Variants in CNTN6 observed in about 807,000 individuals in gnomAD.
CNTN6 encodes contactin-6.
In CNTN6, 137 loss-of-function variants were observed where a neutral mutation model predicts 122.8. The ratio of observed to expected loss-of-function variants is 1.12; its 90% CI spans 0.97 to 1.29. CNTN6 has a LOEUF of 1.29. Ranked by LOEUF, CNTN6 falls within the 50% of genes most tolerant of loss-of-function variation. The pLI, the probability that CNTN6 is intolerant of heterozygous loss-of-function variation, is 0.00. For missense variants in CNTN6, 1,634 were observed against 1,223.4 expected, an observed-to-expected ratio of 1.34 and a Z score of -5.01; for synonymous variants, 570 against 426.0, an observed-to-expected ratio of 1.34 and a Z score of -4.16.
At chr3:1,388,128 G>C (rs1326951669) in intron 20 of CNTN6, among the ~76,000 whole-genome samples, 3 of 152,104 alleles carry the variant, frequency 2.0e-5, no homozygotes, top group African/African-American at 7.2e-5. Context: ...CAAACAAAAA[G>C]ACAGCAGTAA....
intron 1 of CNTN6, among the ~76,000 whole-genome samples, chr3:1,143,031 TCATCAAC>T (rs1349625606): frequency 1.6e-5 from 2 of 121,518 alleles, no homozygotes; most frequent in African/African-American, 6.2e-5. Flanking sequence ...AATACACTTA[TCATCAAC>T]CAACATCTCT....
At chr3:1,185,337 A>C (rs528830229) in intron 2 of CNTN6, among the ~76,000 whole-genome samples, 5 of 152,294 alleles carry the variant, frequency 3.3e-5, no homozygotes, top group Non-Finnish European at 5.9e-5. Context: ...GTTTATTTAA[A>C]AAAGATGTTT....
At chr3:1,308,414 C>T (rs531806940) in intron 7 of CNTN6, among the ~76,000 whole-genome samples, 4 of 151,814 alleles carry the variant, frequency 2.6e-5, no homozygotes, top group African/African-American at 9.7e-5. Flanking sequence ...GCAGTCATGT[C>T]TCCAAGGATA....
At position 1,169,412 on chromosome 3, in the gene CNTN6, C is replaced by T. The variant is rs145069263; in HGVS notation, c.55+21349C>T. On this transcript the variant is annotated intron_variant, in intron 2 of 22. Transcript: ENST00000446702. ...CTTTTCTGATTCTGTCCACATTCCA[C>T]TTTAATCCTCAATGCTTGTGAGATG... 2.1e-3 allele frequency among the ~76,000 whole-genome samples: 323 copies of T among 152,318 alleles called. 1 individual carries two copies. Among genetic ancestry groups the T allele is most frequent in the African/African-American group, 7.2e-3 (301 of 41,576 alleles).
intron 4 of CNTN6, among the ~76,000 whole-genome samples, chr3:1,277,643 G>C (rs1358387824): frequency 6.6e-6 from 1 of 152,064 alleles, no homozygotes; most frequent in African/African-American, 2.4e-5. Context: ...TTACAGGAGT[G>C]AGCCACCACA....
rs558812712 is a variant in CNTN6 at position 1,383,240 on chromosome 3, A to C, written c.2402-53A>C. 8.8e-6 allele frequency: 14 copies of C among 1,596,486 alleles called. No homozygotes were observed. In the African/African-American group the frequency reaches 1.6e-4, roughly 18 times the overall value. Reference sequence around the variant, plus strand: ...TGCATAGTTTGTGTTCCCTTGTTCCATTTTCAATGAACCACTCTGCTAAAG... The same window carrying C: ...TGCATAGTTTGTGTTCCCTTGTTCCCTTTTCAATGAACCACTCTGCTAAAG... On this transcript the variant is annotated intron_variant, in intron 18 of 22. Coordinates refer to ENST00000446702, the MANE Select transcript of CNTN6 (RefSeq NM_001289080.2).
intron 17 of CNTN6, among the ~76,000 whole-genome samples, chr3:1,377,521 T>A (rs748841618): frequency 1.2e-4 from 19 of 152,268 alleles, no homozygotes; most frequent in Admixed American, 1.3e-4. Context: ...ATGGAGTAGA[T>A]TTTGTGGTCA....
At chr3:1,330,490 CAAAA>C (rs978314976) in intron 11 of CNTN6, among the ~76,000 whole-genome samples, 1 of 149,896 alleles carries the variant, frequency 6.7e-6, no homozygotes, top group Admixed American at 6.7e-5. Flanking sequence ...AACAAACAAA[CAAAA>C]AAAAAGACGG....
intron 1 of CNTN6, among the ~76,000 whole-genome samples, chr3:1,111,574 C>G (rs151090181): frequency 9.8e-4 from 149 of 152,188 alleles, no homozygotes; most frequent in African/African-American, 3.4e-3. Flanking sequence ...CACCAAGCAC[C>G]CTAGGATGCA....
At chr3:1,198,849 T>G (rs2093817908) in intron 2 of CNTN6, among the ~76,000 whole-genome samples, 1 of 151,880 alleles carries the variant, frequency 6.6e-6, no homozygotes, top group Non-Finnish European at 1.5e-5. Context: ...AGAAACAGAG[T>G]CTTCGCATAT....
Position 1,338,283 on chromosome 3 carries a change from T to A in CNTN6, c.1364+8348T>A, listed in dbSNP as rs947720874. Among the ~76,000 whole-genome samples the A allele has an allele frequency of 2.0e-5, 3 of 152,276 alleles. 1 individual carries two copies. The highest frequency in any genetic ancestry group is 6.8e-3 in the Middle Eastern group (2 of 294). On this transcript the variant is annotated intron_variant, in intron 11 of 22. Coordinates refer to ENST00000446702, the MANE Select transcript of CNTN6 (RefSeq NM_001289080.2). Reference sequence around the variant, plus strand: ...GGCTGTGAATTCATGGGCTGCGATATCAGTCAGTTTCAAATTTGATCATGC... The same window carrying A: ...GGCTGTGAATTCATGGGCTGCGATAACAGTCAGTTTCAAATTTGATCATGC...
chr3:1,142,966 G>GTATATATATATATATA (rs1408347529), intron 1 of CNTN6, among the ~76,000 whole-genome samples: 9 of 96,612 alleles, frequency 9.3e-5, no homozygotes, highest in African/African-American at 3.0e-4. Context: ...GTGTGTGTGT[G>GTATATATATATATATA]TGTATATATA....
At chr3:1,214,964 C>G (rs1427562047) in intron 2 of CNTN6, among the ~76,000 whole-genome samples, 1 of 152,090 alleles carries the variant, frequency 6.6e-6, no homozygotes, top group African/African-American at 2.4e-5. Flanking sequence ...CCCTATAGTA[C>G]CCAGGCTCGG....
Position 1,321,603 on chromosome 3 carries a change from C to G in CNTN6, c.762-47C>G, listed in dbSNP as rs1700851815. On this transcript the variant is annotated intron_variant, in intron 7 of 22. Transcript: ENST00000446702. ...GGATGCTCTTCTTTTATTTTGCTGT[C>G]ATAAAGATTAAACCGTCTTCTATTC... 2.2e-5 allele frequency: 33 copies of G among 1,478,176 alleles called. No homozygotes were observed. The East Asian group carries it at 7.7e-4, about 34-fold the overall frequency. The allele number at this position is 1,478,176 out of a possible 1,614,324, so 91.6% of individuals were successfully genotyped here.
At chr3:1,137,278 G>A (rs779400361) in intron 1 of CNTN6, among the ~76,000 whole-genome samples, 8 of 152,292 alleles carry the variant, frequency 5.3e-5, no homozygotes, top group African/African-American at 1.7e-4. Context: ...CAGTCACTCC[G>A]GATATTTGTT....
chr3:1,174,881 G>A (rs191571214), intron 2 of CNTN6, among the ~76,000 whole-genome samples: 26 of 152,144 alleles, frequency 1.7e-4, no homozygotes, highest in East Asian at 1.5e-3. Context: ...ATATGCATGC[G>A]CCCACACACG....
intron 1 of CNTN6, among the ~76,000 whole-genome samples, chr3:1,102,999 G>C (rs892304571): frequency 1.1e-4 from 17 of 151,222 alleles, no homozygotes; most frequent in Non-Finnish European, 2.2e-4. Flanking sequence ...CCAGCTACTC[G>C]GGAGGCTGAG....
chr3:1,106,802 A>G (rs938757756), intron 1 of CNTN6, among the ~76,000 whole-genome samples: 24 of 152,080 alleles, frequency 1.6e-4, no homozygotes, highest in Non-Finnish European at 3.1e-4. Flanking sequence ...GAAGCCAAAA[A>G]CATAACCAAA....
At chr3:1,175,351 T>C (rs1255847868) in intron 2 of CNTN6, among the ~76,000 whole-genome samples, 1 of 150,500 alleles carries the variant, frequency 6.6e-6, no homozygotes, top group Non-Finnish European at 1.5e-5. Context: ...AATAAAATTT[T>C]ACCAATGATT....
Sources: allele counts gnomAD v4.1 joint callset (sites outside exome capture counted in the v4.1 genomes callset), GRCh38; gene constraint gnomAD v4.1.1; transcripts MANE v1.5; gene names NCBI Gene and HGNC (gene_info 2026-07-23, HGNC 2026-07-21).